The following TOP1 variants were observed in gnomAD, a reference collection of about 807,000 sequenced individuals.
TOP1 encodes DNA topoisomerase 1.
A neutral mutation model predicts 111.1 loss-of-function variants in TOP1; 10 were observed. That is an observed-to-expected ratio of 0.09 (90% CI 0.06 to 0.15). The LOEUF is 0.15. Ranked by LOEUF, TOP1 falls within the 10% of genes least tolerant of loss-of-function variation. The pLI is 1.00. For synonymous variants in TOP1, 271 were observed against 302.9 expected (o/e 0.89, Z 1.10); for missense variants, 474 against 926.7 (o/e 0.51, Z 6.34).
At chr20:41,074,686 C>T (rs1433267718) in intron 3 of TOP1, among the ~76,000 whole-genome samples, 1 of 152,192 alleles carries the variant, frequency 6.6e-6, no homozygotes, top group African/African-American at 2.4e-5. Context: ...TGCCTAACTG[C>T]ATGCCATCAT....
At position 41,085,974 on chromosome 20, in the gene TOP1, A is replaced by G. The variant is rs528716425; in HGVS notation, c.614+1406A>G. 7.7e-4 allele frequency among the ~76,000 whole-genome samples: 118 copies of G among 152,302 alleles called. 1 individual carries two copies. Among genetic ancestry groups the G allele is most frequent in the African/African-American group, 2.7e-3 (112 of 41,570 alleles). On this transcript the variant is annotated intron_variant, in intron 8 of 20. Coordinates refer to ENST00000361337, the MANE Select transcript of TOP1 (RefSeq NM_003286.4). ...CTCTTTCTAGAGGTCAGAGTCAGAA[A>G]GTAAAAGGCCAGGCACAGTGGCTCG...
At chr20:41,065,954 G>A (rs1343302800) in intron 3 of TOP1, among the ~76,000 whole-genome samples, 2 of 152,006 alleles carry the variant, frequency 1.3e-5, no homozygotes, top group Admixed American at 1.3e-4. Flanking sequence ...TGTGCTAATT[G>A]ATGTGGTGTG....
Position 41,116,824 on chromosome 20 carries a change from AG to A in TOP1, c.1822+433del. 6.6e-6 allele frequency among the ~76,000 whole-genome samples: 1 copy of A among 152,250 alleles called. No homozygotes were observed. ...CCATAAGAGAGTAGATACTTTCTAT[AG>A]CTGATTTTTAGAATATTATCACCAA... On this transcript the variant is annotated intron_variant, in intron 17 of 20. Coordinates refer to ENST00000361337, the MANE Select transcript of TOP1 (RefSeq NM_003286.4). The surrounding 1 kb of genome is among the most constrained non-coding windows in gnomAD (Gnocchi z 5.6).
intron 2 of TOP1, among the ~76,000 whole-genome samples, chr20:41,045,493 A>G (rs1380716935): frequency 6.6e-6 from 1 of 152,220 alleles, no homozygotes; most frequent in Non-Finnish European, 1.5e-5. Context: ...TAAACAGGTG[A>G]AAATTTCAGG....
intron 2 of TOP1, among the ~76,000 whole-genome samples, chr20:41,031,603 C>G (rs1363743700): frequency 6.6e-6 from 1 of 152,214 alleles, no homozygotes; most frequent in African/African-American, 2.4e-5. Flanking sequence ...AATCTCAGCT[C>G]TTTCCATGGA....
chr20:41,088,469 C>T lies in TOP1; in HGVS notation c.614+3901C>T, dbSNP rs142647554. Among the ~76,000 whole-genome samples the T allele has an allele frequency of 4.0e-3, 605 of 152,274 alleles. 7 individuals carry two copies. The highest frequency in any genetic ancestry group is 0.023 in the East Asian group (117 of 5,180). ...AGTGAGCGGAGATCACGCGACTGCACTCCAGCCTGGGCGACAGAGCGAGAC... is the reference window on the plus strand; with the variant it reads ...AGTGAGCGGAGATCACGCGACTGCATTCCAGCCTGGGCGACAGAGCGAGAC... On this transcript the variant is annotated intron_variant, in intron 8 of 20. Transcript: ENST00000361337.
chr20:41,047,560 C>A (rs943545191), intron 2 of TOP1, among the ~76,000 whole-genome samples: 3 of 152,214 alleles, frequency 2.0e-5, no homozygotes, highest in African/African-American at 7.2e-5. Flanking sequence ...AGTATTACTT[C>A]ATGACACAGG....
Position 41,029,592 on chromosome 20 carries a change from T to G in TOP1, c.58+137T>G. On this transcript the variant is annotated intron_variant, in intron 2 of 20. Coordinates refer to ENST00000361337, the MANE Select transcript of TOP1 (RefSeq NM_003286.4). This position sits in a 1 kb window ranked among gnomAD's most constrained non-coding sequence, Gnocchi z 6.1. ...GGCTCCTCGCTCACCGGCCCCATTGTTCCCATCGGGCCGCCTCTTGACCCC... is the reference window on the plus strand; with the variant it reads ...GGCTCCTCGCTCACCGGCCCCATTGGTCCCATCGGGCCGCCTCTTGACCCC... 1.4e-5 allele frequency: 10 copies of G among 729,174 alleles called. No individual in the cohort carries two copies. Among genetic ancestry groups the G allele is most frequent in the Non-Finnish European group, 2.1e-5 (9 of 420,038 alleles). 45.2% of individuals were successfully genotyped at this position (729,174 alleles called of 1,614,324 possible).
intron 3 of TOP1, among the ~76,000 whole-genome samples, chr20:41,068,478 T>C (rs1568683539): frequency 6.6e-6 from 1 of 152,172 alleles, no homozygotes; most frequent in Non-Finnish European, 1.5e-5. Flanking sequence ...TGATTATAGC[T>C]CACTGCAGCC....
Position 41,080,041 on chromosome 20 carries a change from A to G in TOP1, c.336-44A>G, listed in dbSNP as rs1461607847. On this transcript the variant is annotated intron_variant, in intron 5 of 20. Coordinates refer to ENST00000361337, the MANE Select transcript of TOP1 (RefSeq NM_003286.4). This position sits in a 1 kb window ranked among gnomAD's most constrained non-coding sequence, Gnocchi z 5.0. ...TATTCCTTCTTTGTATTAATAGAATACAGATGTTCTAGCACTCTGACCAGC... is the reference window on the plus strand; with the variant it reads ...TATTCCTTCTTTGTATTAATAGAATGCAGATGTTCTAGCACTCTGACCAGC... 1 of 1,117,282 alleles carries G rather than the reference A, an allele frequency of 9.0e-7. No homozygotes were observed. 69.2% of individuals were successfully genotyped at this position (1,117,282 alleles called of 1,614,324 possible). A position where few individuals can be genotyped will look rare whatever the true frequency, so the allele number is the denominator to read the frequency against.
chr20:41,087,891 A>G (rs957379489), intron 8 of TOP1, among the ~76,000 whole-genome samples: 3 of 150,126 alleles, frequency 2.0e-5, no homozygotes, highest in African/African-American at 7.2e-5. Context: ...CAAGCTGCCA[A>G]AGGGAAGCCA....
chr20:41,066,067 G>A (rs4314052), intron 3 of TOP1, among the ~76,000 whole-genome samples: 137,574 of 152,218 alleles, frequency 0.9, 62,363 homozygotes, highest in East Asian at 1. Context: ...ATATTACTAG[G>A]CTGTAAGAAG....
intron 3 of TOP1, among the ~76,000 whole-genome samples, chr20:41,075,329 G>A (rs547482443): frequency 1.1e-3 from 160 of 152,206 alleles, no homozygotes; most frequent in African/African-American, 3.7e-3. Context: ...CTGCCACCAC[G>A]CCCGGCTAAT....
intron 13 of TOP1, among the ~76,000 whole-genome samples, chr20:41,107,483 A>G (rs1426363481): frequency 6.6e-6 from 1 of 152,212 alleles, no homozygotes; most frequent in African/African-American, 2.4e-5. Flanking sequence ...AATTCTAATT[A>G]TATTTAATCT....
chr20:41,115,314 T>G lies in TOP1; in HGVS notation c.1639-57T>G. On this transcript the variant is annotated intron_variant, in intron 15 of 20. Coordinates refer to ENST00000361337, the MANE Select transcript of TOP1 (RefSeq NM_003286.4). This position sits in a 1 kb window ranked among gnomAD's most constrained non-coding sequence, Gnocchi z 6.3. ...CAAGTTTCTTTAAGTTTGGGGTTAT[T>G]TCTAAAGTTAGGATTTTTTTCAAGA... 7.7e-7 allele frequency: 1 copy of G among 1,295,790 alleles called. No homozygotes were observed. Among genetic ancestry groups the G allele is most frequent in the Admixed American group, 1.7e-5 (1 of 57,638 alleles). 80.3% of individuals were successfully genotyped at this position (1,295,790 alleles called of 1,614,324 possible). A position where few individuals can be genotyped will look rare whatever the true frequency, so the allele number is the denominator to read the frequency against.
chr20:41,082,280 A>AATTAAATGTAATAGGTGCTTACC lies in TOP1; in HGVS notation c.507+1043_507+1065dup, dbSNP rs2033797459. On this transcript the variant is annotated intron_variant, in intron 7 of 20. Coordinates refer to ENST00000361337, the MANE Select transcript of TOP1 (RefSeq NM_003286.4). The surrounding 1 kb of genome is among the most constrained non-coding windows in gnomAD (Gnocchi z 4.1). ...ATAATAGAATGATGTTAATAATCAC[A>AATTAAATGTAATAGGTGCTTACC]ATTAAATGTAATAGGTGCTTACCAT... 2.0e-5 allele frequency among the ~76,000 whole-genome samples: 3 copies of AATTAAATGTAATAGGTGCTTACC among 152,230 alleles called. No homozygotes were observed. Among genetic ancestry groups the AATTAAATGTAATAGGTGCTTACC allele is most frequent in the Non-Finnish European group, 4.4e-5 (3 of 68,034 alleles).
At position 41,053,372 on chromosome 20, in the gene TOP1, G is replaced by A. The variant is rs534645131; in HGVS notation, c.59-8022G>A. 1.1e-4 allele frequency among the ~76,000 whole-genome samples: 16 copies of A among 152,256 alleles called. 1 individual carries two copies. The South Asian group carries it at 2.3e-3, about 22-fold the overall frequency. On this transcript the variant is annotated intron_variant, in intron 2 of 20. Transcript: ENST00000361337. ...TTTTATTTCATCTTGTTCGCTGGTG[G>A]AACCGGGCTGTTTTATCTCATTATA...
At chr20:41,074,006 G>A (rs924920245) in intron 3 of TOP1, among the ~76,000 whole-genome samples, 2 of 152,126 alleles carry the variant, frequency 1.3e-5, no homozygotes, top group East Asian at 1.9e-4. Flanking sequence ...GTTTTATAAT[G>A]GAATGGTAAG....
chr20:41,059,650 C>T (rs2033521038), intron 2 of TOP1, among the ~76,000 whole-genome samples: 1 of 151,942 alleles, frequency 6.6e-6, no homozygotes, highest in South Asian at 2.1e-4. Context: ...GCAACGATAT[C>T]TTGGGGCACA....
Sources: allele counts gnomAD v4.1 joint callset (sites outside exome capture counted in the v4.1 genomes callset), GRCh38; gene constraint gnomAD v4.1.1; non-coding constraint Gnocchi (gnomAD v3.1); transcripts MANE v1.5; gene names NCBI Gene and HGNC (gene_info 2026-07-23, HGNC 2026-07-21).